CLVS1: variants seen among roughly 807,000 people sequenced by gnomAD.
The protein encoded by CLVS1 is clavesin-1.
In CLVS1, 10 loss-of-function variants were observed where a neutral mutation model predicts 33.1. The observed-to-expected ratio is 0.30, with a 90% CI of 0.19 to 0.51. The LOEUF is 0.51. CLVS1 is among the 20% of genes least tolerant of loss of function. The probability of loss-of-function intolerance (pLI) is 0.97; values close to 1 mark genes in which losing one functional copy is unlikely to be tolerated. For missense variants in CLVS1, 343 were observed against 433.4 expected, an observed-to-expected ratio of 0.79 and a Z score of 1.85; for synonymous variants, 163 against 166.1, an observed-to-expected ratio of 0.98 and a Z score of 0.14.
intron 1 of CLVS1, among the ~76,000 whole-genome samples, chr8:61,059,475 C>CATATATATATAT (rs56322834): frequency 0.016 from 807 of 50,164 alleles, 58 homozygotes; most frequent in Admixed American, 0.063. Context: ...TACATACATA[C>CATATATATATAT]ATATATATAT....
chr8:61,002,287 A>G, the CLVS1 span, among the ~76,000 whole-genome samples: 2 of 149,974 alleles, frequency 1.3e-5, no homozygotes, highest in South Asian at 2.1e-4. Context: ...CAGCTGATCA[A>G]TCCACTTTAA....
upstream of CLVS1, among the ~76,000 whole-genome samples, chr8:61,283,487 T>C (rs1010787345): frequency 2.0e-5 from 3 of 152,222 alleles, no homozygotes; most frequent in Non-Finnish European, 4.4e-5. Flanking sequence ...TCCAGCTCCA[T>C]GCAGTCAAGT....
At chr8:61,057,501 G>T (rs1804499483) in intron 1 of CLVS1, among the ~76,000 whole-genome samples, 2 of 151,994 alleles carry the variant, frequency 1.3e-5, no homozygotes, top group South Asian at 4.1e-4. Context: ...GTTGGAGGAA[G>T]ATGAAAATCA....
At chr8:61,364,843 A>G (rs1373481200) in intron 2 of CLVS1, among the ~76,000 whole-genome samples, 1 of 152,202 alleles carries the variant, frequency 6.6e-6, no homozygotes, top group Non-Finnish European at 1.5e-5. Context: ...CAATTTCCTG[A>G]GTTAATTAAA....
At chr8:61,028,616 G>GA in the CLVS1 span, among the ~76,000 whole-genome samples, 1 of 152,292 alleles carries the variant, frequency 6.6e-6, no homozygotes, top group South Asian at 2.1e-4. Flanking sequence ...TTGGGTATGG[G>GA]AAGGGCCATG....
chr8:61,357,502 T>TC, intron 2 of CLVS1, among the ~76,000 whole-genome samples: 2 of 100,718 alleles, frequency 2.0e-5, no homozygotes, highest in African/African-American at 8.4e-5. Context: ...TTCTTTTTTT[T>TC]TTTTTTTTTT....
intron 2 of CLVS1, among the ~76,000 whole-genome samples, chr8:61,140,767 C>T (rs1806293572): frequency 6.6e-6 from 1 of 152,002 alleles, no homozygotes; most frequent in Non-Finnish European, 1.5e-5. Context: ...GGGGTTTCAC[C>T]GTGTTAGCCA....
Position 61,127,245 on chromosome 8 carries a change from G to A in CLVS1, c.-242-4525G>A, listed in dbSNP as rs148230427. ...TTTTTTTTTTTTGAGATGGAGTTTC[G>A]CTCTTGTTGCCCAGGCTGGAGTGAA... On this transcript the variant is annotated intron_variant, in intron 1 of 2. Coordinates refer to the CLVS1 transcript ENST00000522621. Among the ~76,000 whole-genome samples the A allele has an allele frequency of 0.024, 3,618 of 148,474 alleles. 275 individuals carry two copies. The East Asian group carries it at 0.28, about 11-fold the overall frequency.
At position 61,256,360 on chromosome 8, in the gene CLVS1, A is replaced by C. The variant is rs146307035; in HGVS notation, c.-151-43317A>C. Among the ~76,000 whole-genome samples, 814 of 152,306 alleles carry C rather than the reference A, an allele frequency of 5.3e-3. 33 individuals are homozygous for C. In the East Asian group the frequency reaches 0.11, roughly 20 times the overall value. On this transcript the variant is annotated intron_variant, in intron 2 of 2. Coordinates refer to the CLVS1 transcript ENST00000522621. ...AAACCCTGTCTGTACTAAAAATACA[A>C]AAATTAGCCGGGCGTGGTGGCAGAC...
chr8:61,082,839 G>T (rs1353035094), intron 1 of CLVS1, among the ~76,000 whole-genome samples: 1 of 152,114 alleles, frequency 6.6e-6, no homozygotes, highest in African/African-American at 2.4e-5. Context: ...GAGCTCAGGA[G>T]TTCAAGAGCA....
intron 2 of CLVS1, among the ~76,000 whole-genome samples, chr8:61,198,517 C>G (rs1317117701): frequency 6.6e-6 from 1 of 152,106 alleles, no homozygotes; most frequent in Non-Finnish European, 1.5e-5. Flanking sequence ...GTAGCTGGGA[C>G]TATAGGTGTG....
intron 2 of CLVS1, among the ~76,000 whole-genome samples, chr8:61,347,942 A>G (rs1384522226): frequency 1.3e-5 from 2 of 151,002 alleles, no homozygotes; most frequent in Non-Finnish European, 2.9e-5. Context: ...TAACATATGC[A>G]TTGCCTCACC....
intron 2 of CLVS1, among the ~76,000 whole-genome samples, chr8:61,246,867 T>C (rs1808821641): frequency 6.6e-6 from 1 of 152,166 alleles, no homozygotes; most frequent in Non-Finnish European, 1.5e-5. Flanking sequence ...GATAACTACA[T>C]GTCATGGGGG....
chr8:61,432,162 A>C (rs1043426727), intron 3 of CLVS1, among the ~76,000 whole-genome samples: 3 of 152,214 alleles, frequency 2.0e-5, no homozygotes, highest in African/African-American at 4.8e-5. Flanking sequence ...GAGACAACCA[A>C]ATTCGAATGA....
At chr8:61,347,041 C>G (rs1812246507) in intron 2 of CLVS1, among the ~76,000 whole-genome samples, 1 of 152,076 alleles carries the variant, frequency 6.6e-6, no homozygotes, top group Non-Finnish European at 1.5e-5. Context: ...AGAATAATCC[C>G]CCATGTTGTA....
At chr8:61,220,824 C>G (rs71448604) in intron 2 of CLVS1, among the ~76,000 whole-genome samples, 1 of 152,114 alleles carries the variant, frequency 6.6e-6, no homozygotes, top group African/African-American at 2.4e-5. Context: ...TTTCTGTCCT[C>G]TCTTATTTCC....
intron 1 of CLVS1, among the ~76,000 whole-genome samples, chr8:61,101,477 T>C (rs1805448236): frequency 6.6e-6 from 1 of 152,218 alleles, no homozygotes; most frequent in Non-Finnish European, 1.5e-5. Flanking sequence ...TGTCTTATTA[T>C]TGTTGAGTTT....
intron 2 of CLVS1, among the ~76,000 whole-genome samples, chr8:61,200,785 A>C (rs574434392): frequency 6.6e-6 from 1 of 152,294 alleles, no homozygotes; most frequent in South Asian, 2.1e-4. Context: ...TCAATAGGCA[A>C]CATAATTATT....
At chr8:61,223,228 A>C (rs1025707068) in intron 2 of CLVS1, among the ~76,000 whole-genome samples, 3 of 152,028 alleles carry the variant, frequency 2.0e-5, no homozygotes, top group African/African-American at 7.2e-5. Context: ...TCAAGATGCT[A>C]TTTGGTTATT....
Sources: gnomAD v4.1 joint callset for allele counts (sites outside exome capture counted in the v4.1 genomes callset) on GRCh38, gnomAD v4.1.1 for gene constraint, MANE v1.5 for transcripts, NCBI Gene and HGNC (gene_info 2026-07-23, HGNC 2026-07-21) for gene names.